The following CDH8 variants were observed in gnomAD, a reference collection of about 807,000 sequenced individuals.
The protein encoded by CDH8 is cadherin 8.
In CDH8, 17 loss-of-function variants were observed where a neutral mutation model predicts 68.1. The ratio of observed to expected loss-of-function variants is 0.25; its 90% confidence interval spans 0.17 to 0.37. CDH8 has a LOEUF of 0.37. Among genes scored for constraint, CDH8 ranks in the 10% least tolerant of loss-of-function variants. The pLI is 1.00. For missense variants in CDH8, 763 were observed against 999.3 expected, an observed-to-expected ratio of 0.76 and a Z score of 3.19; for synonymous variants, 372 against 365.1, an observed-to-expected ratio of 1.02 and a Z score of -0.21.
chr16:61,935,960 C>A (rs182138287), intron 2 of CDH8, among the ~76,000 whole-genome samples: 13 of 152,150 alleles, frequency 8.5e-5, no homozygotes, highest in African/African-American at 3.1e-4. Flanking sequence ...AGGTTTACAG[C>A]ACAAGCTCTG....
intron 10 of CDH8, among the ~76,000 whole-genome samples, chr16:61,657,097 A>G (rs1486111298): frequency 6.6e-6 from 1 of 151,974 alleles, no homozygotes; most frequent in Non-Finnish European, 1.5e-5. Flanking sequence ...AGACCCCCGA[A>G]CACAGGGCTA....
chr16:61,658,067 T>C (rs1470280268), intron 10 of CDH8, among the ~76,000 whole-genome samples: 2 of 152,116 alleles, frequency 1.3e-5, no homozygotes, highest in East Asian at 3.8e-4. Flanking sequence ...ATTCCTTTTT[T>C]ACCTACTCAT....
intron 4 of CDH8, among the ~76,000 whole-genome samples, chr16:61,832,872 A>G (rs180820136): frequency 1.3e-5 from 2 of 151,932 alleles, no homozygotes; most frequent in East Asian, 3.9e-4. Context: ...TGGTGCATAT[A>G]AAAATTTGGA....
intron 2 of CDH8, among the ~76,000 whole-genome samples, chr16:61,990,305 C>CTTT (rs71134381): frequency 2.7e-4 from 22 of 82,986 alleles, no homozygotes; most frequent in East Asian, 4.5e-4. Flanking sequence ...TGAAGAAGTC[C>CTTT]TTTTTTTTTT....
chr16:61,779,464 T>C (rs8060427), intron 8 of CDH8, among the ~76,000 whole-genome samples: 24,361 of 141,474 alleles, frequency 0.17, 2,137 homozygotes, highest in Middle Eastern at 0.21. Flanking sequence ...TGTGTGTGTG[T>C]GCGCGCATGG....
At chr16:61,722,645 A>G (rs1375130568) in intron 9 of CDH8, among the ~76,000 whole-genome samples, 1 of 150,754 alleles carries the variant, frequency 6.6e-6, no homozygotes, top group Non-Finnish European at 1.5e-5. Context: ...TATCTAGGAA[A>G]TTACTTTTTG....
intron 10 of CDH8, among the ~76,000 whole-genome samples, chr16:61,709,140 G>C (rs944244905): frequency 6.6e-6 from 1 of 152,026 alleles, no homozygotes; most frequent in Non-Finnish European, 1.5e-5. Flanking sequence ...ACTTGAACAA[G>C]AGATGTTTCT....
chr16:61,684,333 G>T (rs1374580525), intron 10 of CDH8, among the ~76,000 whole-genome samples: 1 of 151,876 alleles, frequency 6.6e-6, no homozygotes, highest in East Asian at 1.9e-4. Flanking sequence ...TAAATCCTGT[G>T]TTATTCACTC....
At chr16:61,719,674 T>C (rs542661327) in intron 9 of CDH8, among the ~76,000 whole-genome samples, 4 of 151,108 alleles carry the variant, frequency 2.6e-5, no homozygotes, top group Admixed American at 2.0e-4. Context: ...ACCATGACTC[T>C]ATTGCTTTGT....
intron 2 of CDH8, among the ~76,000 whole-genome samples, chr16:61,909,364 G>C (rs1964121243): frequency 6.6e-6 from 1 of 152,170 alleles, no homozygotes; most frequent in African/African-American, 2.4e-5. Context: ...AGTTCCACAA[G>C]TGCAAGCCCT....
At chr16:61,730,708 T>C (rs1238540706) in intron 8 of CDH8, among the ~76,000 whole-genome samples, 1 of 151,692 alleles carries the variant, frequency 6.6e-6, no homozygotes, top group East Asian at 1.9e-4. Context: ...ATTTTATCTA[T>C]TTCTTTAGAA....
intron 6 of CDH8, among the ~76,000 whole-genome samples, chr16:61,819,383 CA>C (rs533386707): frequency 2.2e-3 from 330 of 150,782 alleles, no homozygotes; most frequent in African/African-American, 7.4e-3. Context: ...CACTTTATGG[CA>C]AAAAAAATGG....
At chr16:61,676,603 G>A (rs1373100509) in intron 10 of CDH8, among the ~76,000 whole-genome samples, 1 of 151,884 alleles carries the variant, frequency 6.6e-6, no homozygotes, top group African/African-American at 2.4e-5. Context: ...AATAGAAGGG[G>A]ATTTCCTCAA....
chr16:61,666,128 A>G (rs1388521765), intron 10 of CDH8, among the ~76,000 whole-genome samples: 2 of 151,170 alleles, frequency 1.3e-5, no homozygotes, highest in East Asian at 3.9e-4. Context: ...CCTGCCCTTT[A>G]GTCACTTAGC....
chr16:61,908,042 CAAAAAAAAAAA>C (rs547459147), intron 2 of CDH8, among the ~76,000 whole-genome samples: 3 of 91,610 alleles, frequency 3.3e-5, no homozygotes, highest in Non-Finnish European at 4.4e-5. Context: ...GACTCAGTCT[CAAAAAAAAAAA>C]AAAAAAAAAA....
chr16:61,688,761 G>C (rs552386584), intron 10 of CDH8, among the ~76,000 whole-genome samples: 1 of 152,108 alleles, frequency 6.6e-6, no homozygotes, highest in East Asian at 1.9e-4. Flanking sequence ...TATTTATAAA[G>C]TGATTTCCCT....
Position 61,653,717 on chromosome 16 carries a change from G to T in CDH8, c.2291C>A (p.Ser764Tyr). 3 of 1,614,162 alleles carry T rather than the reference G, an allele frequency of 1.9e-6. No individual in the cohort carries two copies. Among genetic ancestry groups the T allele is most frequent in the Non-Finnish European group, 2.5e-6 (3 of 1,180,028 alleles). Residue 764 changes from serine to tyrosine, a missense_variant, in exon 12 of 12, where the codon TCC becomes TAC. Ser to Tyr is a moderately radical substitution (Grantham distance 144). Around this residue, in one of 2 missense-constraint regions of CDH8, gnomAD observed 397 missense variants for 436.2 expected, o/e 0.91. Transcript: ENST00000577390. ...SVAGSLSSLESTTSDSDQNFD... is the reference protein window; with the variant it reads ...SVAGSLSSLEYTTSDSDQNFD... The stretch of plus-strand genomic sequence containing the variant: ...ATTCTGGTCTGAGTCTGATGTGGTG[G>T]ACTCCAAGGAGCTGAGGGAGCCAGC...
chr16:61,753,623 C>G (rs1185850324), intron 8 of CDH8, among the ~76,000 whole-genome samples: 1 of 152,020 alleles, frequency 6.6e-6, no homozygotes, highest in Non-Finnish European at 1.5e-5. Context: ...TAAAGAGGCC[C>G]TTAGAGGATA....
chr16:61,762,267 A>T (rs1960490096), intron 8 of CDH8, among the ~76,000 whole-genome samples: 1 of 152,224 alleles, frequency 6.6e-6, no homozygotes, highest in African/African-American at 2.4e-5. Flanking sequence ...GGGTAGACTG[A>T]ATCCATGTGA....
Sources: gnomAD v4.1 joint callset for allele counts (sites outside exome capture counted in the v4.1 genomes callset) on GRCh38, gnomAD v4.1.1 for gene constraint, gnomAD v4.1.1 regional missense constraint, MANE v1.5 for transcripts, NCBI Gene and HGNC (gene_info 2026-07-23, HGNC 2026-07-21) for gene names.